SLC13A3: variants seen among roughly 807,000 people sequenced by gnomAD.
SLC13A3 encodes the protein Na(+)/dicarboxylate cotransporter 3.
In SLC13A3, 40 loss-of-function variants were observed where a neutral mutation model predicts 59.0. The ratio of observed to expected loss-of-function variants is 0.68; its 90% CI spans 0.53 to 0.88. The LOEUF is 0.88. Ranked by LOEUF, SLC13A3 falls within the 40% of genes least tolerant of loss-of-function variation. SLC13A3 has a pLI of 0.00. For missense variants in SLC13A3, 699 were observed against 783.2 expected (o/e 0.89, Z 1.28); for synonymous variants, 317 against 330.3 (o/e 0.96, Z 0.44).
At chr20:46,664,535 T>A (rs13038390) in intron 1 of SLC13A3, among the ~76,000 whole-genome samples, 1 of 152,086 alleles carries the variant, frequency 6.6e-6, no homozygotes, top group Non-Finnish European at 1.5e-5. Context: ...AGGCTGTATA[T>A]ACACTAATGA....
At chr20:46,569,263 T>C (rs1039827610) in intron 10 of SLC13A3, among the ~76,000 whole-genome samples, 4 of 152,026 alleles carry the variant, frequency 2.6e-5, no homozygotes, top group African/African-American at 7.3e-5. Flanking sequence ...AGTGCTGGGA[T>C]TACAGACATG....
At chr20:46,663,118 C>T (rs1280584522) in intron 1 of SLC13A3, among the ~76,000 whole-genome samples, 2 of 151,970 alleles carry the variant, frequency 1.3e-5, no homozygotes, top group South Asian at 2.1e-4. Flanking sequence ...GAGATATCAT[C>T]GCTGTTTTAA....
chr20:46,679,910 A>G (rs565479476), intron 1 of SLC13A3, among the ~76,000 whole-genome samples: 1 of 150,986 alleles, frequency 6.6e-6, no homozygotes, highest in Non-Finnish European at 1.5e-5. Flanking sequence ...TCTGTCTCAA[A>G]AAAAAAAAAA....
intron 1 of SLC13A3, among the ~76,000 whole-genome samples, chr20:46,633,918 A>C (rs915714629): frequency 6.6e-6 from 1 of 152,256 alleles, no homozygotes; most frequent in African/African-American, 2.4e-5. Context: ...GAAATGATAA[A>C]GCACACAGAG....
chr20:46,586,814 C>T (rs1196148945), intron 8 of SLC13A3, among the ~76,000 whole-genome samples: 1 of 152,204 alleles, frequency 6.6e-6, no homozygotes, highest in Non-Finnish European at 1.5e-5. Flanking sequence ...CAGCAAATGT[C>T]TCCTGTAAAA....
intron 12 of SLC13A3, among the ~76,000 whole-genome samples, chr20:46,561,815 C>G (rs1457027345): frequency 2.0e-5 from 3 of 152,072 alleles, no homozygotes; most frequent in Admixed American, 2.0e-4. Flanking sequence ...GGGAGTCGGG[C>G]CGACATGTTG....
intron 10 of SLC13A3, among the ~76,000 whole-genome samples, chr20:46,572,005 C>T (rs1353352176): frequency 6.6e-6 from 1 of 152,032 alleles, no homozygotes; most frequent in African/African-American, 2.4e-5. Flanking sequence ...TCTGTGTTGG[C>T]CAAGGGAAAC....
intron 9 of SLC13A3, among the ~76,000 whole-genome samples, chr20:46,580,988 T>G: frequency 6.6e-6 from 1 of 152,246 alleles, no homozygotes; most frequent in East Asian, 1.9e-4. Context: ...AAAGTGCATA[T>G]AAATATGACT....
chr20:46,657,624 C>T (rs551598562), intron 1 of SLC13A3, among the ~76,000 whole-genome samples: 3 of 152,058 alleles, frequency 2.0e-5, no homozygotes, highest in Admixed American at 6.6e-5. Context: ...GTTGTTAGGC[C>T]GTTTCTGCAT....
At chr20:46,623,733 C>T (rs183724507) in intron 1 of SLC13A3, among the ~76,000 whole-genome samples, 63 of 152,270 alleles carry the variant, frequency 4.1e-4, no homozygotes, top group East Asian at 1.7e-3. Context: ...GTATAACGAT[C>T]GCTAGCAATT....
chr20:46,591,117 A>G (rs2062251758), intron 6 of SLC13A3, among the ~76,000 whole-genome samples: 1 of 152,034 alleles, frequency 6.6e-6, no homozygotes. Flanking sequence ...TTGCACTCCG[A>G]CATGGTGCCA....
At chr20:46,599,917 A>G in intron 4 of SLC13A3, 54 bp downstream of exon 4, 5 of 1,343,202 alleles carry the variant, frequency 3.7e-6, no homozygotes, top group Non-Finnish European at 5.1e-6. Context: ...ATTCTTGTTC[A>G]TCATCTCCTT....
At chr20:46,599,078 T>G (rs2062345990) in intron 4 of SLC13A3, among the ~76,000 whole-genome samples, 1 of 152,218 alleles carries the variant, frequency 6.6e-6, no homozygotes, top group Non-Finnish European at 1.5e-5. Context: ...CTTTTCCTGC[T>G]TTGATCTCCC....
chr20:46,576,140 A>C (rs2062073924), intron 9 of SLC13A3, among the ~76,000 whole-genome samples: 1 of 151,770 alleles, frequency 6.6e-6, no homozygotes, highest in Non-Finnish European at 1.5e-5. Flanking sequence ...GCAGCGCTGC[A>C]GTGGTGAGGA....
intron 1 of SLC13A3, among the ~76,000 whole-genome samples, chr20:46,680,274 G>A (rs766852845): frequency 2.6e-5 from 4 of 152,154 alleles, no homozygotes; most frequent in Non-Finnish European, 5.9e-5. Flanking sequence ...GCTTATAAGG[G>A]GAACAAATGG....
chr20:46,656,336 A>G (rs1311360405), upstream of SLC13A3, among the ~76,000 whole-genome samples: 3 of 114,428 alleles, frequency 2.6e-5, no homozygotes, highest in South Asian at 2.9e-4. Context: ...GATATACTAT[A>G]CAGTATATAT....
At chr20:46,589,596 T>C (rs543986715) in intron 6 of SLC13A3, among the ~76,000 whole-genome samples, 1 of 152,258 alleles carries the variant, frequency 6.6e-6, no homozygotes, top group African/African-American at 2.4e-5. Context: ...TATAATAAAA[T>C]TGCTATCTCA....
chr20:46,666,957 A>C (rs528462743), intron 1 of SLC13A3, among the ~76,000 whole-genome samples: 14 of 152,242 alleles, frequency 9.2e-5, no homozygotes, highest in African/African-American at 2.6e-4. Flanking sequence ...AATTCCAAAA[A>C]TTTGAGGCCA....
Position 46,620,444 on chromosome 20 carries a change from G to C in SLC13A3, c.112-6719C>G, listed in dbSNP as rs542389705. Among the ~76,000 whole-genome samples the C allele has an allele frequency of 3.9e-5, 6 of 152,308 alleles. No homozygotes were observed. In the East Asian group the frequency reaches 1.2e-3, roughly 29 times the overall value. ...CACTAAAAAGGATAGTTCGAAAACA[G>C]CCCCTATCAGAGCAACATGAATTCT... On this transcript the variant is annotated intron_variant, in intron 1 of 12. Coordinates refer to ENST00000279027, the MANE Select transcript of SLC13A3 (RefSeq NM_022829.6).
Sources: gnomAD v4.1 joint callset for allele counts (sites outside exome capture counted in the v4.1 genomes callset) on GRCh38, gnomAD v4.1.1 for gene constraint, MANE v1.5 for transcripts, NCBI Gene and HGNC (gene_info 2026-07-23, HGNC 2026-07-21) for gene names.